VSX2: variants seen among roughly 807,000 people sequenced by gnomAD.
VSX2 encodes the protein visual system homeobox 2.
Under a neutral mutation model 32.1 loss-of-function variants are expected in VSX2, and 28 were observed. The observed-to-expected ratio is 0.87, with a 90% CI of 0.65 to 1.20. The LOEUF (loss-of-function observed/expected upper bound fraction) is 1.20. Among genes scored for constraint, VSX2 ranks in the 50% most tolerant of loss-of-function variants. VSX2 has a pLI of 0.00. For missense variants in VSX2, 506 were observed against 488.7 expected, an observed-to-expected ratio of 1.04 and a Z score of -0.33; for synonymous variants, 243 against 214.1, an observed-to-expected ratio of 1.14 and a Z score of -1.18.
In VSX2 at chr14:74,262,627, T is replaced by C. The variant is rs985488007; in HGVS notation, c.*1708T>C. ...ATAGAGTGAGAAGAAAGAAACTTGA[T>C]ATTGAGGTGTTTGAAATATGGAACT... On this transcript the variant is annotated 3_prime_UTR_variant, in exon 5 of 5. Coordinates refer to ENST00000261980, the MANE Select transcript of VSX2 (RefSeq NM_182894.3). 6.6e-6 allele frequency: 1 copy of C among 152,188 alleles called. No individual in the cohort carries two copies. Among genetic ancestry groups the C allele is most frequent in the African/African-American group, 2.4e-5 (1 of 41,442 alleles). 9.4% of individuals were successfully genotyped at this position (152,188 alleles called of 1,614,324 possible).
chr14:74,244,981 TGA>T lies in VSX2; in HGVS notation c.456-159_456-158del, dbSNP rs60714663. Among the ~76,000 whole-genome samples, 2,824 of 37,412 alleles carry T rather than the reference TGA, an allele frequency of 0.075. 222 individuals carry two copies. Among genetic ancestry groups the T allele is most frequent in the Middle Eastern group, 0.22 (14 of 64 alleles). 24.5% of individuals were successfully genotyped at this position (37,412 alleles called of 152,430 possible). A position where few individuals can be genotyped will look rare whatever the true frequency, so the allele number is the denominator to read the frequency against. On this transcript the variant is annotated intron_variant, in intron 2 of 4. Transcript: ENST00000261980. The stretch of plus-strand genomic sequence containing the variant: ...GTGTGTGTGTGTGTGTGTGTGTGTG[TGA>T]GAGAGAGAGAGAGAGAGAGAGAGAC...
intron 3 of VSX2, among the ~76,000 whole-genome samples, chr14:74,245,737 C>T (rs2079188289): frequency 6.6e-6 from 1 of 152,090 alleles, no homozygotes; most frequent in Non-Finnish European, 1.5e-5. Context: ...CCTCCCCTCT[C>T]CTCCCCTCCC....
At chr14:74,245,691 G>A (rs2079187914) in intron 3 of VSX2, among the ~76,000 whole-genome samples, 1 of 151,940 alleles carries the variant, frequency 6.6e-6, no homozygotes, top group African/African-American at 2.4e-5. Context: ...GCTGTGAAGA[G>A]GAAGGTGGCT....
chr14:74,253,718 G>T (rs560197754), intron 3 of VSX2, among the ~76,000 whole-genome samples: 2 of 152,254 alleles, frequency 1.3e-5, no homozygotes, highest in South Asian at 4.1e-4. Context: ...ATCACCTGAG[G>T]TTGGGAGCTC....
intron 2 of VSX2, among the ~76,000 whole-genome samples, 156 bp downstream of exon 2, chr14:74,241,422 G>T (rs1234094049): frequency 6.6e-6 from 1 of 152,264 alleles, no homozygotes; most frequent in African/African-American, 2.4e-5. Context: ...GGCGGAATCT[G>T]CCCGGGGGCC....
At chr14:74,249,472 G>C (rs1407645447) in intron 3 of VSX2, among the ~76,000 whole-genome samples, 3 of 152,086 alleles carry the variant, frequency 2.0e-5, no homozygotes, top group Admixed American at 2.0e-4. Context: ...TTTTTGCCAC[G>C]TTGGCCAGGC....
At position 74,239,775 on chromosome 14, in the gene VSX2, G is replaced by A; in HGVS notation, c.214G>A (p.Gly72Arg). 1 of 1,557,092 alleles carries A rather than the reference G, an allele frequency of 6.4e-7. No individual in the cohort carries two copies. Among genetic ancestry groups the A allele is most frequent in the Non-Finnish European group, 8.7e-7 (1 of 1,151,470 alleles). Residue 72 changes from glycine (G) to arginine (R), a missense_variant, in exon 1 of 5, where the codon GGG (glycine) becomes AGG (arginine). Physicochemically the swap from Gly to Arg is moderately radical, Grantham distance 125. Coordinates refer to ENST00000261980, the MANE Select transcript of VSX2 (RefSeq NM_182894.3). The stretch of plus-strand genomic sequence containing the variant: ...GGCGCGCTCAGTGCTCAGCCCCGCG[G>A]GGGTGGGCGGCATGGGGCTTCTGGG... ...LAARSVLSPA[G>R]VGGMGLLGPG...
intron 3 of VSX2, among the ~76,000 whole-genome samples, chr14:74,254,566 T>C (rs1260566526): frequency 6.6e-6 from 1 of 152,192 alleles, no homozygotes; most frequent in African/African-American, 2.4e-5. Flanking sequence ...CCTCCTGGAC[T>C]GTTGTTATTA....
At chr14:74,258,068 GA>G (rs2079278714) in intron 3 of VSX2, among the ~76,000 whole-genome samples, 1 of 152,064 alleles carries the variant, frequency 6.6e-6, no homozygotes, top group Admixed American at 6.5e-5. Flanking sequence ...GGGGAAGGGG[GA>G]AAATCCTAAA....
At position 74,256,402 on chromosome 14, in the gene VSX2, G is replaced by A. The variant is rs567732621; in HGVS notation, c.580-3200G>A. 3.1e-3 allele frequency among the ~76,000 whole-genome samples: 474 copies of A among 152,278 alleles called. 5 individuals are homozygous for A. Among genetic ancestry groups the A allele is most frequent in the African/African-American group, 0.011 (443 of 41,570 alleles). On this transcript the variant is annotated intron_variant, in intron 3 of 4. Transcript: ENST00000261980. The stretch of plus-strand genomic sequence containing the variant: ...GCCAATGTCACACCACTGCACTCCA[G>A]CCTGGGTGACAGAGCAAGATTCCAT...
intron 1 of VSX2, 34 bp downstream of exon 1, chr14:74,239,965 G>T (rs780135121): frequency 5.8e-6 from 9 of 1,544,468 alleles, no homozygotes; most frequent in East Asian, 4.9e-5. Context: ...CTGCCTGACT[G>T]GGGGGCGACA....
intron 3 of VSX2, among the ~76,000 whole-genome samples, chr14:74,257,213 G>C (rs907573049): frequency 1.1e-4 from 16 of 152,352 alleles, no homozygotes; most frequent in African/African-American, 3.8e-4. Context: ...AGTTAGCACG[G>C]CTGGCATTGC....
In VSX2 at chr14:74,260,957, G is replaced by C; in HGVS notation, c.*38G>C. ...TCAGATGCCGGAGCCCCAAGACTCT[G>C]CTCTCCTCGGGCCCTGTGGTGCTGG... On this transcript the variant is annotated 3_prime_UTR_variant, in exon 5 of 5. Transcript: ENST00000261980. 6.5e-7 allele frequency: 1 copy of C among 1,546,986 alleles called. No homozygotes were observed. Among genetic ancestry groups the C allele is most frequent in the South Asian group, 1.2e-5 (1 of 83,920 alleles).
intron 3 of VSX2, among the ~76,000 whole-genome samples, chr14:74,248,409 A>G (rs896904062): frequency 6.6e-6 from 1 of 150,698 alleles, no homozygotes; most frequent in South Asian, 2.1e-4. Context: ...ATTCCTGGCC[A>G]GGTGCAGGGG....
intron 2 of VSX2, among the ~76,000 whole-genome samples, chr14:74,244,611 A>G (rs976644296): frequency 3.3e-5 from 5 of 152,008 alleles, no homozygotes; most frequent in Non-Finnish European, 5.9e-5. Flanking sequence ...GGGGCCCAGG[A>G]AGCTGGTCTG....
chr14:74,260,927 C>T lies in VSX2; in HGVS notation c.*8C>T, dbSNP rs373971416. On this transcript the variant is annotated 3_prime_UTR_variant, in exon 5 of 5. Coordinates refer to ENST00000261980, the MANE Select transcript of VSX2 (RefSeq NM_182894.3). ...CTGGAGGACATGGCTTAGGTCAAGGCGCGCTCAGATGCCGGAGCCCCAAGA... is the reference window on the plus strand; with the variant it reads ...CTGGAGGACATGGCTTAGGTCAAGGTGCGCTCAGATGCCGGAGCCCCAAGA... 2.4e-4 allele frequency: 365 copies of T among 1,553,156 alleles called. No individual in the cohort carries two copies. Among genetic ancestry groups the T allele is most frequent in the Non-Finnish European group, 3.0e-4 (341 of 1,149,220 alleles).
chr14:74,242,470 A>G (rs964639785), intron 2 of VSX2, among the ~76,000 whole-genome samples: 3 of 152,140 alleles, frequency 2.0e-5, no homozygotes, highest in Non-Finnish European at 4.4e-5. Flanking sequence ...AGGCCCTAAT[A>G]GGTTTTGGCT....
At chr14:74,251,379 G>A (rs762887475) in intron 3 of VSX2, among the ~76,000 whole-genome samples, 7 of 152,200 alleles carry the variant, frequency 4.6e-5, no homozygotes, top group African/African-American at 7.2e-5. Context: ...GAACCCGGGA[G>A]GCGGAGGTTG....
rs2079311972 is a variant in VSX2 at position 74,262,095 on chromosome 14, G to C, written c.*1176G>C. The C allele has an allele frequency of 6.6e-6, 1 of 152,560 alleles. No individual in the cohort carries two copies. The highest frequency in any genetic ancestry group is 2.1e-4 in the South Asian group (1 of 4,836). 9.5% of individuals were successfully genotyped at this position (152,560 alleles called of 1,614,324 possible). On this transcript the variant is annotated 3_prime_UTR_variant, in exon 5 of 5. Coordinates refer to ENST00000261980, the MANE Select transcript of VSX2 (RefSeq NM_182894.3). ...TCAGAGCAAGCCTTTGACCTGTTCA[G>C]AAGGATGGGAAAAAGGCTGGAAGGA...
Sources: gnomAD v4.1 joint callset for allele counts (sites outside exome capture counted in the v4.1 genomes callset) on GRCh38, gnomAD v4.1.1 for gene constraint, MANE v1.5 for transcripts, NCBI Gene and HGNC (gene_info 2026-07-23, HGNC 2026-07-21) for gene names.